Variants in NCK1 observed in about 807,000 individuals in gnomAD.
NCK1 encodes the protein SH2/SH3 adapter protein NCK1.
NCK1 carries 19 observed loss-of-function variants against 36.6 expected under a neutral mutation model. The ratio of observed to expected loss-of-function variants is 0.52; its 90% confidence interval spans 0.36 to 0.76. NCK1 has a LOEUF of 0.76. Ranked by LOEUF, NCK1 falls within the 30% of genes least tolerant of loss-of-function variation. The pLI is 0.00. For missense variants in NCK1, 358 were observed against 445.6 expected, an observed-to-expected ratio of 0.80 and a Z score of 1.77; for synonymous variants, 165 against 156.0, an observed-to-expected ratio of 1.06 and a Z score of -0.43.
At chr3:136,942,983 C>T (rs1940715558) in intron 2 of NCK1, among the ~76,000 whole-genome samples, 2 of 152,190 alleles carry the variant, frequency 1.3e-5, no homozygotes, top group Admixed American at 1.3e-4. Flanking sequence ...ATCTGTATTG[C>T]TTCCTCTGGC....
intron 1 of NCK1, among the ~76,000 whole-genome samples, chr3:136,885,976 G>T (rs1162828012): frequency 2.6e-5 from 4 of 152,172 alleles, no homozygotes; most frequent in Non-Finnish European, 5.9e-5. Context: ...TACAAAAGCA[G>T]CAGTACAGTG....
At position 136,874,475 on chromosome 3, in the gene NCK1, C is replaced by T. The variant is rs148488813; in HGVS notation, c.-19+12122C>T. Among the ~76,000 whole-genome samples, 995 of 152,328 alleles carry T rather than the reference C, an allele frequency of 6.5e-3. 15 individuals carry two copies. Among genetic ancestry groups the T allele is most frequent in the African/African-American group, 0.023 (964 of 41,582 alleles). ...GATTACAGGCGTGAGCCACCACGCC[C>T]GGCCCGTTTACAGGTCTTTAATGAA... On this transcript the variant is annotated intron_variant, in intron 1 of 3. Coordinates refer to ENST00000481752, the MANE Select transcript of NCK1 (RefSeq NM_001291999.2).
chr3:136,892,981 A>G (rs942346474), intron 1 of NCK1, among the ~76,000 whole-genome samples: 1 of 151,650 alleles, frequency 6.6e-6, no homozygotes, highest in African/African-American at 2.4e-5. Context: ...TATCATTCAT[A>G]TGCTTTTGCG....
chr3:136,896,333 G>C (rs1173253951), intron 1 of NCK1, among the ~76,000 whole-genome samples: 1 of 152,094 alleles, frequency 6.6e-6, no homozygotes, highest in Non-Finnish European at 1.5e-5. Flanking sequence ...TCATTCTACT[G>C]TCTACCTCCA....
At chr3:136,934,848 C>G (rs1206585539) in intron 2 of NCK1, among the ~76,000 whole-genome samples, 1 of 152,124 alleles carries the variant, frequency 6.6e-6, no homozygotes, top group Admixed American at 6.6e-5. Flanking sequence ...GTCGGTTAAG[C>G]AATGGGTTAG....
At chr3:136,891,900 C>T (rs1939255804) in intron 1 of NCK1, among the ~76,000 whole-genome samples, 1 of 151,980 alleles carries the variant, frequency 6.6e-6, no homozygotes, top group Non-Finnish European at 1.5e-5. Flanking sequence ...TTATTTTATT[C>T]TTTTTAGAGA....
chr3:136,902,795 T>A (rs2108102250), intron 1 of NCK1, among the ~76,000 whole-genome samples: 1 of 152,238 alleles, frequency 6.6e-6, no homozygotes, highest in East Asian at 1.9e-4. Flanking sequence ...GATGATATGA[T>A]CTTATATTTA....
chr3:136,927,956 C>G, intron 1 of NCK1, 28 bp from the exon 2 acceptor site: 2 of 1,468,306 alleles, frequency 1.4e-6, no homozygotes, highest in Non-Finnish European at 1.9e-6. Flanking sequence ...CTCAACCTTA[C>G]ATAAAAATAT....
chr3:136,928,251 G>C, intron 2 of NCK1, 24 bp downstream of exon 2: 1 of 1,569,962 alleles, frequency 6.4e-7, no homozygotes, highest in African/African-American at 1.4e-5. Flanking sequence ...TAAAAGAAAA[G>C]CAACTTTGTT....
At chr3:136,934,313 TCTCA>T (rs1461133144) in intron 2 of NCK1, among the ~76,000 whole-genome samples, 4 of 152,098 alleles carry the variant, frequency 2.6e-5, no homozygotes, top group African/African-American at 9.7e-5. Context: ...TGAGACCAAG[TCTCA>T]CTCTGTTGCC....
At chr3:136,901,605 T>G (rs996532303) in intron 1 of NCK1, among the ~76,000 whole-genome samples, 17 of 152,192 alleles carry the variant, frequency 1.1e-4, no homozygotes, top group Non-Finnish European at 2.4e-4. Flanking sequence ...TCAATCTTGG[T>G]AGATTGTATA....
In NCK1 at chr3:136,927,956, C is replaced by A. The variant is rs1576983108; in HGVS notation, c.-18-28C>A. ...GTGAACTAATACTACCTCAACCTTA[C>A]ATAAAAATATTTTCCATGTGTTTAC... On this transcript the variant is annotated intron_variant, in intron 1 of 3. Transcript: ENST00000481752. 8 of 1,468,304 alleles carry A rather than the reference C, an allele frequency of 5.4e-6. No individual in the cohort carries two copies. The African/African-American group carries it at 8.4e-5, about 15-fold the overall frequency. The allele number at this position is 1,468,304 out of a possible 1,614,324, so 91.0% of individuals were successfully genotyped here.
rs1319244290 is a variant in NCK1, at chr3:136,944,111, CCTTTTTTTTTTT to C, written c.227-1471_227-1460del. The stretch of plus-strand genomic sequence containing the variant: ...AAAGTCGAGGGAAAAGGAAAAACAA[CCTTTTTTTTTTT>C]TTTTTTTTTTTTTTGAGACAGAGTC... On this transcript the variant is annotated intron_variant, in intron 2 of 3. Transcript: ENST00000481752. 1.7e-4 allele frequency among the ~76,000 whole-genome samples: 14 copies of C among 80,928 alleles called. No individual in the cohort carries two copies. The East Asian group carries it at 3.9e-3, about 23-fold the overall frequency. 53.1% of individuals were successfully genotyped at this position (80,928 alleles called of 152,430 possible).
At position 136,945,607 on chromosome 3, in the gene NCK1, C is replaced by G; in HGVS notation, c.251C>G (p.Pro84Arg). The change falls in exon 3 of 4, where the codon CCT becomes CGT. Residue 84 changes from proline to arginine, a missense_variant. This residue lies in a region of NCK1 where 143 missense variants were observed against 162.4 expected (regional missense o/e 0.88). Coordinates refer to ENST00000481752, the MANE Select transcript of NCK1 (RefSeq NM_001291999.2). The part of the protein sequence containing the change: ...TLGIGKVKRK[P>R]SVPDSASPAD... ...GGCATTGGAAAAGTGAAAAGAAAACCTAGTGTGCCAGATTCTGCATCTCCT... is the reference window on the plus strand; with the variant it reads ...GGCATTGGAAAAGTGAAAAGAAAACGTAGTGTGCCAGATTCTGCATCTCCT... 1 of 1,607,842 alleles carries G rather than the reference C, an allele frequency of 6.2e-7. No individual in the cohort carries two copies. Among genetic ancestry groups the G allele is most frequent in the Non-Finnish European group, 8.5e-7 (1 of 1,176,308 alleles).
rs141402818 is a variant in NCK1 at position 136,877,562 on chromosome 3, G to A, written c.-19+15209G>A. Among the ~76,000 whole-genome samples, 6 of 152,272 alleles carry A rather than the reference G, an allele frequency of 3.9e-5. No homozygotes were observed. The East Asian group carries it at 7.7e-4, about 20-fold the overall frequency. On this transcript the variant is annotated intron_variant, in intron 1 of 3. Transcript: ENST00000481752. Reference sequence around the variant, plus strand: ...TTGAAAGGACTTCTAAATAAAGATGGCTGAGTGAAAGACACATTTACTTTT... The same window carrying A: ...TTGAAAGGACTTCTAAATAAAGATGACTGAGTGAAAGACACATTTACTTTT...
At chr3:136,889,834 AC>A (rs1463164122) in intron 1 of NCK1, among the ~76,000 whole-genome samples, 12 of 152,234 alleles carry the variant, frequency 7.9e-5, no homozygotes, top group African/African-American at 2.6e-4. Context: ...GTGTTTACAA[AC>A]CTTGAGCTAG....
At chr3:136,947,503 G>GT (rs1212718525) in intron 3 of NCK1, among the ~76,000 whole-genome samples, 2 of 152,054 alleles carry the variant, frequency 1.3e-5, no homozygotes, top group African/African-American at 2.4e-5. Context: ...CCTTCACAGT[G>GT]TTTTTTAAAC....
chr3:136,871,201 G>A (rs2108067684), intron 1 of NCK1, among the ~76,000 whole-genome samples: 1 of 151,784 alleles, frequency 6.6e-6, no homozygotes, highest in East Asian at 1.9e-4. Context: ...TTAGAGATCA[G>A]CCTGGGCAAT....
At chr3:136,884,775 C>T (rs1306093440) in intron 1 of NCK1, among the ~76,000 whole-genome samples, 2 of 148,768 alleles carry the variant, frequency 1.3e-5, no homozygotes, top group African/African-American at 5.0e-5. Flanking sequence ...GGTTGGAGTG[C>T]AGTGGCCTGA....
Sources: gnomAD v4.1 joint callset for allele counts (sites outside exome capture counted in the v4.1 genomes callset) on GRCh38, gnomAD v4.1.1 for gene constraint, gnomAD v4.1.1 regional missense constraint, MANE v1.5 for transcripts, NCBI Gene and HGNC (gene_info 2026-07-23, HGNC 2026-07-21) for gene names.